Variants in MCC observed in about 807,000 individuals in gnomAD.
MCC encodes MCC regulator of Wnt signaling pathway, also known as colorectal mutant cancer protein.
MCC carries 90 observed loss-of-function variants against 116.2 expected under a neutral mutation model. The ratio of observed to expected loss-of-function variants is 0.77; its 90% CI spans 0.65 to 0.92. The LOEUF is 0.92. MCC is among the 40% of genes least tolerant of loss of function. The probability of loss-of-function intolerance (pLI) is 0.00; values close to 1 mark genes in which losing one functional copy is unlikely to be tolerated. For synonymous variants in MCC, 578 were observed against 510.5 expected, an observed-to-expected ratio of 1.13 and a Z score of -1.78; for missense variants, 1,516 against 1,312.2, an observed-to-expected ratio of 1.16 and a Z score of -2.40.
At chr5:113,433,997 A>C (rs1226891378) in intron 1 of MCC, 1 of 1,614,020 alleles carries the variant, frequency 6.2e-7, no homozygotes, top group Non-Finnish European at 8.5e-7. Flanking sequence ...TGATGGCCAC[A>C]GAGGGAGATC....
At chr5:113,416,577 C>A (rs896413502) in intron 1 of MCC, among the ~76,000 whole-genome samples, 6 of 152,092 alleles carry the variant, frequency 3.9e-5, no homozygotes, top group African/African-American at 1.4e-4. Context: ...TATATCTATA[C>A]ATAAATGCAT....
chr5:113,170,884 G>A (rs1761037747), intron 3 of MCC, among the ~76,000 whole-genome samples: 1 of 152,076 alleles, frequency 6.6e-6, no homozygotes, highest in South Asian at 2.1e-4. Context: ...ATTGCCAGAT[G>A]GCTGGCAATA....
intron 3 of MCC, among the ~76,000 whole-genome samples, chr5:113,278,978 A>T (rs2150356337): frequency 6.6e-6 from 1 of 152,352 alleles, no homozygotes; most frequent in Admixed American, 6.5e-5. Flanking sequence ...GTATTTTTAA[A>T]AAGCAATTTT....
chr5:113,472,268 G>A (rs1374740670), intron 1 of MCC, among the ~76,000 whole-genome samples: 2 of 152,218 alleles, frequency 1.3e-5, no homozygotes, highest in African/African-American at 2.4e-5. Context: ...GCTGGGAGCT[G>A]TAGACCGGAG....
chr5:113,488,372 TGCTGGAGCTCCCCGCAGCCGCTGCCGCC>T lies in MCC; in HGVS notation c.15_42del (p.Gly11AlafsTer42). On this transcript the variant is annotated frameshift_variant, in exon 1 of 19. Coordinates refer to ENST00000408903, the MANE Select transcript of MCC (RefSeq NM_001085377.2). LOFTEE classifies it high-confidence loss of function. The stretch of plus-strand genomic sequence containing the variant: ...CCGCTGCCGCCGCCGCCGCCGCCGC[TGCTGGAGCTCCCCGCAGCCGCTGCCGCC>T]GCGGCCGCCATCATGCGCCCGCTCC... 1 of 1,292,930 alleles carries T rather than the reference TGCTGGAGCTCCCCGCAGCCGCTGCCGCC, an allele frequency of 7.7e-7. No individual in the cohort carries two copies. Among genetic ancestry groups the T allele is most frequent in the Admixed American group, 2.4e-5 (1 of 41,162 alleles). 80.1% of individuals were successfully genotyped at this position (1,292,930 alleles called of 1,614,324 possible).
At chr5:113,316,663 G>C (rs1767293381) in intron 3 of MCC, among the ~76,000 whole-genome samples, 1 of 152,102 alleles carries the variant, frequency 6.6e-6, no homozygotes, top group Non-Finnish European at 1.5e-5. Flanking sequence ...ATAAAAGTCA[G>C]GGTCTCATAA....
At chr5:113,266,239 A>T (rs1464356544) in intron 3 of MCC, among the ~76,000 whole-genome samples, 1 of 100,568 alleles carries the variant, frequency 9.9e-6, no homozygotes, top group Non-Finnish European at 1.8e-5. Context: ...CACCCCTTCT[A>T]CACACACACA....
At chr5:113,273,361 G>C (rs1019467990) in intron 3 of MCC, among the ~76,000 whole-genome samples, 4 of 152,222 alleles carry the variant, frequency 2.6e-5, no homozygotes, top group African/African-American at 9.6e-5. Flanking sequence ...CTGTGGATCA[G>C]CAATGAGATC....
intron 1 of MCC, among the ~76,000 whole-genome samples, chr5:113,400,193 GCT>G (rs1769645468): frequency 2.3e-5 from 3 of 130,012 alleles, no homozygotes; most frequent in African/African-American, 9.5e-5. Context: ...TGCGATCTTG[GCT>G]CACTGAAACC....
At chr5:113,061,459 GATAAAGCCATCCAGGCA>G (rs1437207143) in intron 14 of MCC, among the ~76,000 whole-genome samples, 1 of 152,144 alleles carries the variant, frequency 6.6e-6, no homozygotes, top group Non-Finnish European at 1.5e-5. Flanking sequence ...ATGATATGTT[GATAAAGCCATCCAGGCA>G]ATCAACCTAG....
intron 3 of MCC, among the ~76,000 whole-genome samples, chr5:113,192,155 A>G (rs1015250639): frequency 6.6e-6 from 1 of 152,142 alleles, no homozygotes; most frequent in African/African-American, 2.4e-5. Flanking sequence ...TTCCTTCACC[A>G]TGGCACCCAC....
At chr5:113,093,224 A>C (rs1328012774) in intron 8 of MCC, among the ~76,000 whole-genome samples, 1 of 152,254 alleles carries the variant, frequency 6.6e-6, no homozygotes, top group Non-Finnish European at 1.5e-5. Context: ...AAGAGGGACC[A>C]GTGAATGTGA....
Position 113,294,248 on chromosome 5 carries a change from G to A in MCC, c.627+46271C>T. On this transcript the variant is annotated intron_variant, in intron 3 of 18. Coordinates refer to ENST00000408903, the MANE Select transcript of MCC (RefSeq NM_001085377.2). The stretch of plus-strand genomic sequence containing the variant: ...GCACAGGGGGATAGGGTGTAGGGCT[G>A]TGGGGAGGTCGAGGGGAGGGGGATT... The A allele has an allele frequency of 1.9e-6, 3 of 1,581,008 alleles. No homozygotes were observed. The East Asian group carries it at 6.7e-5, about 35-fold the overall frequency.
chr5:113,127,749 G>C (rs1036001170), intron 5 of MCC, among the ~76,000 whole-genome samples: 2 of 152,070 alleles, frequency 1.3e-5, no homozygotes, highest in Non-Finnish European at 2.9e-5. Flanking sequence ...AAAGACCTTT[G>C]TTTGATGCAT....
chr5:113,384,912 G>T (rs2150393463), intron 2 of MCC, 56 bp downstream of exon 2: 1 of 1,597,498 alleles, frequency 6.3e-7, no homozygotes, highest in South Asian at 1.1e-5. Context: ...CATTTAATGA[G>T]AGATCACAGG....
chr5:113,265,140 C>A (rs941942083), intron 3 of MCC, among the ~76,000 whole-genome samples: 4 of 152,132 alleles, frequency 2.6e-5, no homozygotes, highest in African/African-American at 7.2e-5. Flanking sequence ...TGTCAGAGAC[C>A]ATAGGACCTG....
In MCC at chr5:113,240,205, A is replaced by T. The variant is rs192923625; in HGVS notation, c.628-88783T>A. Reference sequence around the variant, plus strand: ...CAGTCAGGATACCCTTCTCCCCAGCAGAGTAGTTGGCCCGGTGTTGAAAAC... The same window carrying T: ...CAGTCAGGATACCCTTCTCCCCAGCTGAGTAGTTGGCCCGGTGTTGAAAAC... On this transcript the variant is annotated intron_variant, in intron 3 of 18. Transcript: ENST00000408903. Among the ~76,000 whole-genome samples the T allele has an allele frequency of 2.7e-4, 41 of 152,322 alleles. No homozygotes were observed. The East Asian group carries it at 6.4e-3, about 24-fold the overall frequency.
At chr5:113,062,998 T>C (rs1753328678) in intron 14 of MCC, among the ~76,000 whole-genome samples, 1 of 152,334 alleles carries the variant, frequency 6.6e-6, no homozygotes, top group Non-Finnish European at 1.5e-5. Context: ...TGTTATGTCA[T>C]GAGATCCAAT....
chr5:113,038,358 A>G lies in MCC; in HGVS notation c.2756+5172T>C, dbSNP rs1751458992. On this transcript the variant is annotated intron_variant, in intron 17 of 18. Coordinates refer to ENST00000408903, the MANE Select transcript of MCC (RefSeq NM_001085377.2). ...CATGTACTTGGCTGAGTAAACCACA[A>G]TCCCTGGCCCTAAAAGGACTCTCTT... 1.3e-5 allele frequency among the ~76,000 whole-genome samples: 2 copies of G among 152,158 alleles called. 1 individual carries two copies. Among genetic ancestry groups the G allele is most frequent in the South Asian group, 4.1e-4 (2 of 4,824 alleles).
Sources: gnomAD v4.1 joint callset for allele counts (sites outside exome capture counted in the v4.1 genomes callset) on GRCh38, gnomAD v4.1.1 for gene constraint, MANE v1.5 for transcripts, NCBI Gene and HGNC (gene_info 2026-07-23, HGNC 2026-07-21) for gene names.